The following LEF1 variants were observed in gnomAD, a reference collection of about 807,000 sequenced individuals.
LEF1 encodes the protein lymphoid enhancer binding factor 1.
A neutral mutation model predicts 51.2 loss-of-function variants in LEF1; 14 were observed. The ratio of observed to expected loss-of-function variants is 0.27; its 90% CI spans 0.18 to 0.43. LEF1 has a LOEUF of 0.43. LEF1 is among the 20% of genes least tolerant of loss of function. The pLI is 1.00. For synonymous variants in LEF1, 185 were observed against 183.2 expected, an observed-to-expected ratio of 1.01 and a Z score of -0.08; for missense variants, 386 against 512.0, an observed-to-expected ratio of 0.75 and a Z score of 2.37.
chr4:108,083,593 T>C, intron 4 of LEF1, 147 bp from the exon 5 acceptor site: 2 of 541,172 alleles, frequency 3.7e-6, no homozygotes, highest in Non-Finnish European at 6.4e-6. Context: ...GTCCATTTGT[T>C]AGCTTTTCTC....
In LEF1 at chr4:108,092,835, C is replaced by G. The variant is rs1740110231; in HGVS notation, c.415-3578G>C. Among the ~76,000 whole-genome samples the G allele has an allele frequency of 2.1e-5, 3 of 145,294 alleles. No homozygotes were observed. In the South Asian group the frequency reaches 6.7e-4, roughly 32 times the overall value. On this transcript the variant is annotated intron_variant, in intron 3 of 11. Coordinates refer to ENST00000265165, the MANE Select transcript of LEF1 (RefSeq NM_016269.5). ...CCAATGACCAACACACAGATAAGGT[C>G]TCTAATTCTCGCAGCTTACTTTCTG...
At chr4:108,099,732 A>G (rs899607998) in intron 3 of LEF1, among the ~76,000 whole-genome samples, 3 of 150,858 alleles carry the variant, frequency 2.0e-5, no homozygotes, top group Non-Finnish European at 4.4e-5. Context: ...TACATTAGGT[A>G]TTTCTCCAAA....
intron 3 of LEF1, among the ~76,000 whole-genome samples, chr4:108,106,632 G>A (rs954917179): frequency 3.9e-5 from 6 of 152,148 alleles, no homozygotes; most frequent in Non-Finnish European, 7.3e-5. Flanking sequence ...AGGTCATCGG[G>A]CTGCAAAGTG....
rs371113417 is a variant in LEF1, at chr4:108,167,798, T to G, written c.-31A>C. The G allele has an allele frequency of 6.3e-7, 1 of 1,591,348 alleles. No homozygotes were observed. The highest frequency in any genetic ancestry group is 1.3e-5 in the African/African-American group (1 of 74,410). The stretch of plus-strand genomic sequence containing the variant: ...CGGCTCTGTAATCTCCGCTCCGCTG[T>G]GGGAGCACCCGCGCAACAGCAGGAA... On this transcript the variant is annotated 5_prime_UTR_variant, in exon 1 of 12. Transcript: ENST00000265165. This position sits in a 1 kb window ranked among gnomAD's most constrained non-coding sequence, Gnocchi z 5.7.
chr4:108,086,344 T>G (rs1055322653), intron 4 of LEF1, among the ~76,000 whole-genome samples: 1 of 152,184 alleles, frequency 6.6e-6, no homozygotes, highest in African/African-American at 2.4e-5. Context: ...TGCGTCAGCC[T>G]CCTGAGTAGC....
At chr4:108,050,430 C>T (rs1016430046) in intron 11 of LEF1, among the ~76,000 whole-genome samples, 2 of 151,992 alleles carry the variant, frequency 1.3e-5, no homozygotes, top group African/African-American at 2.4e-5. Flanking sequence ...TTGTCTGTAC[C>T]TCAGTACTTC....
At chr4:108,113,066 G>A (rs1031808788) in intron 3 of LEF1, among the ~76,000 whole-genome samples, 1 of 152,122 alleles carries the variant, frequency 6.6e-6, no homozygotes, top group Non-Finnish European at 1.5e-5. Context: ...TGCTATCCGA[G>A]GTGAGATGTT....
At chr4:108,093,293 T>C (rs889994403) in intron 3 of LEF1, among the ~76,000 whole-genome samples, 1 of 152,144 alleles carries the variant, frequency 6.6e-6, no homozygotes, top group African/African-American at 2.4e-5. Flanking sequence ...AGTTCGATCC[T>C]TTTGGCTCTT....
chr4:108,093,123 C>T (rs560402034), intron 3 of LEF1, among the ~76,000 whole-genome samples: 4 of 151,904 alleles, frequency 2.6e-5, no homozygotes, highest in Non-Finnish European at 4.4e-5. Context: ...GACTGGAAGC[C>T]GAGAAACAGA....
At chr4:108,127,683 T>C (rs1014983420) in intron 3 of LEF1, among the ~76,000 whole-genome samples, 9 of 152,188 alleles carry the variant, frequency 5.9e-5, no homozygotes, top group African/African-American at 2.2e-4. Context: ...GGAAAATAAA[T>C]TATCGTGACT....
intron 8 of LEF1, 192 bp from the exon 9 acceptor site, chr4:108,070,962 T>C (rs1480214770): frequency 1.3e-5 from 7 of 532,698 alleles, no homozygotes; most frequent in Non-Finnish European, 2.0e-5. Context: ...ACTCAAACTT[T>C]GGTTTCTCTA....
intron 7 of LEF1, among the ~76,000 whole-genome samples, 177 bp downstream of exon 7, chr4:108,079,315 A>G (rs1739126588): frequency 6.6e-6 from 1 of 152,216 alleles, no homozygotes; most frequent in African/African-American, 2.4e-5. Flanking sequence ...CAGAATCAAA[A>G]TCAGCACAGT....
chr4:108,131,816 TA>T (rs1185234010), intron 3 of LEF1, among the ~76,000 whole-genome samples: 3 of 151,896 alleles, frequency 2.0e-5, no homozygotes, highest in Non-Finnish European at 2.9e-5. Flanking sequence ...AAACTCCCAG[TA>T]AAAAAAACTA....
intron 4 of LEF1, among the ~76,000 whole-genome samples, chr4:108,086,221 T>C (rs1028444509): frequency 6.6e-6 from 1 of 152,152 alleles, no homozygotes; most frequent in African/African-American, 2.4e-5. Flanking sequence ...TGAAGACACA[T>C]TTCACATCAT....
chr4:108,049,503 A>G (rs1425180999), intron 11 of LEF1, among the ~76,000 whole-genome samples: 1 of 152,238 alleles, frequency 6.6e-6, no homozygotes, highest in Non-Finnish European at 1.5e-5. Context: ...TAACAAGATG[A>G]GACAAAGACA....
rs140566797 is a variant in LEF1, at chr4:108,134,986, A to C, written c.414+28582T>G. Among the ~76,000 whole-genome samples the C allele has an allele frequency of 1.1e-4, 17 of 152,340 alleles. No individual in the cohort carries two copies. The South Asian group carries it at 3.3e-3, about 30-fold the overall frequency. Reference sequence around the variant, plus strand: ...GACAAGAAAATGGAAGGAATAAAAAACACTACATCACTAGGTCCAAAAAGA... The same window carrying C: ...GACAAGAAAATGGAAGGAATAAAAACCACTACATCACTAGGTCCAAAAAGA... On this transcript the variant is annotated intron_variant, in intron 3 of 11. Transcript: ENST00000265165.
intron 3 of LEF1, among the ~76,000 whole-genome samples, chr4:108,124,874 C>T (rs62310685): frequency 0.05 from 7,552 of 152,238 alleles, 192 homozygotes; most frequent in Non-Finnish European, 0.062. Flanking sequence ...TCTAACACTC[C>T]TTTCTAGGTA....
chr4:108,092,482 G>C (rs1255093506), intron 3 of LEF1, among the ~76,000 whole-genome samples: 1 of 152,070 alleles, frequency 6.6e-6, no homozygotes, highest in Non-Finnish European at 1.5e-5. Flanking sequence ...AGATTCCTCA[G>C]CCCAAAAATC....
In LEF1 at chr4:108,167,882, C is replaced by T; in HGVS notation, c.-115G>A. 1.2e-6 allele frequency: 1 copy of T among 855,538 alleles called. No individual in the cohort carries two copies. The highest frequency in any genetic ancestry group is 2.2e-5 in the South Asian group (1 of 45,260). 53.0% of individuals were successfully genotyped at this position (855,538 alleles called of 1,614,324 possible). ...AGGAGAGTTGGAAGGGTTCGTGCAG[C>T]AGGACAGCGGGCGGAAGCGGGGCGG... On this transcript the variant is annotated 5_prime_UTR_variant, in exon 1 of 12. Transcript: ENST00000265165. The surrounding 1 kb of genome is among the most constrained non-coding windows in gnomAD (Gnocchi z 5.7).
Sources: gnomAD v4.1 joint callset for allele counts (sites outside exome capture counted in the v4.1 genomes callset) on GRCh38, gnomAD v4.1.1 for gene constraint, Gnocchi (gnomAD v3.1) non-coding constraint, MANE v1.5 for transcripts, NCBI Gene and HGNC (gene_info 2026-07-23, HGNC 2026-07-21) for gene names.